Variants in SHOC1 observed in about 807,000 individuals in gnomAD.
The protein encoded by SHOC1 is shortage in chiasmata 1.
SHOC1 carries 136 observed loss-of-function variants against 179.2 expected under a neutral mutation model. That is an observed-to-expected ratio of 0.76 (90% CI 0.66 to 0.87). The LOEUF is 0.87. Ranked by LOEUF, SHOC1 falls within the 40% of genes least tolerant of loss-of-function variation. The pLI is 0.00. For synonymous variants in SHOC1, 489 were observed against 586.6 expected (o/e 0.83, Z 2.41); for missense variants, 1,538 against 1,700.8 (o/e 0.90, Z 1.68).
At position 111,758,692 on chromosome 9, in the gene SHOC1, T is replaced by C; in HGVS notation, c.596+3A>G. On this transcript the variant is annotated splice_donor_region_variant and intron_variant, in intron 6 of 27. Coordinates refer to ENST00000682961, the MANE Select transcript of SHOC1 (RefSeq NM_001378211.1). ...TTACAGCATTGGTCAATTAAGTAAG[T>C]ACCTGGAAAAATTAGCTTCTGTGAA... 1 of 1,571,832 alleles carries C rather than the reference T, an allele frequency of 6.4e-7. No individual in the cohort carries two copies. Among genetic ancestry groups the C allele is most frequent in the Non-Finnish European group, 8.6e-7 (1 of 1,167,006 alleles).
intron 14 of SHOC1, among the ~76,000 whole-genome samples, chr9:111,723,071 C>T (rs2184939): frequency 0.19 from 29,410 of 152,056 alleles, 3,006 homozygotes; most frequent in Non-Finnish European, 0.22. Flanking sequence ...TGAGCCACCG[C>T]GCCTGGCCTA....
At chr9:111,736,696 AAAAC>A (rs1297426443) in intron 12 of SHOC1, among the ~76,000 whole-genome samples, 30 of 152,324 alleles carry the variant, frequency 2.0e-4, no homozygotes, top group Admixed American at 2.0e-3. Context: ...AATCGCAACA[AAAAC>A]AAAAATTGCC....
chr9:111,731,898 C>T (rs1231692484), intron 12 of SHOC1, among the ~76,000 whole-genome samples: 1 of 151,900 alleles, frequency 6.6e-6, no homozygotes, highest in Non-Finnish European at 1.5e-5. Context: ...AAAAGAATTG[C>T]TTGATACAAG....
intron 20 of SHOC1, among the ~76,000 whole-genome samples, chr9:111,706,176 G>A (rs754819395): frequency 6.6e-6 from 1 of 152,080 alleles, no homozygotes; most frequent in Non-Finnish European, 1.5e-5. Flanking sequence ...CTAAGTATTT[G>A]TAGATAATTT....
intron 3 of SHOC1, chr9:111,783,317 A>G (rs1372230274): frequency 6.6e-6 from 1 of 152,112 alleles, no homozygotes; most frequent in East Asian, 1.9e-4. Flanking sequence ...TCACACTCCA[A>G]TTATATTCCA....
chr9:111,727,565 T>C, intron 13 of SHOC1, 68 bp downstream of exon 13: 1 of 1,329,556 alleles, frequency 7.5e-7, no homozygotes, highest in South Asian at 1.8e-5. Flanking sequence ...CCTTGCCTTC[T>C]ATAATAAATT....
rs77880872 is a variant in SHOC1, at chr9:111,780,795, G to A, written c.257+135C>T. ...ACCACTCCTTTGTGGTTCAAATTAGGACCTTTTCTTCAGATAAAAGAAGAA... is the reference window on the plus strand; with the variant it reads ...ACCACTCCTTTGTGGTTCAAATTAGAACCTTTTCTTCAGATAAAAGAAGAA... On this transcript the variant is annotated intron_variant, in intron 4 of 27. Transcript: ENST00000682961. 4.8e-3 allele frequency: 2,704 copies of A among 564,812 alleles called. 43 individuals carry two copies. The highest frequency in any genetic ancestry group is 0.04 in the African/African-American group (2,061 of 52,034). 35.0% of individuals were successfully genotyped at this position (564,812 alleles called of 1,614,324 possible).
chr9:111,724,433 G>T (rs1833208596), intron 13 of SHOC1, among the ~76,000 whole-genome samples: 1 of 151,856 alleles, frequency 6.6e-6, no homozygotes, highest in South Asian at 2.1e-4. Flanking sequence ...TTGACCTCTT[G>T]GGCTCAAGCA....
intron 18 of SHOC1, among the ~76,000 whole-genome samples, chr9:111,711,150 G>A (rs549013098): frequency 5.3e-5 from 8 of 152,270 alleles, no homozygotes; most frequent in African/African-American, 1.9e-4. Context: ...TTTCTATAGA[G>A]AAAAGAGGAA....
chr9:111,791,817 TATTTCTCAA>T lies in SHOC1; in HGVS notation c.-36-372_-36-364del, dbSNP rs1440580469. Reference sequence around the variant, plus strand: ...TCTCAAGTGGTCTTGAGAATAACCATATTTCTCAAGTGGTCTTGAGAATAACCATATTTC... The same window carrying T: ...TCTCAAGTGGTCTTGAGAATAACCATGTGGTCTTGAGAATAACCATATTTC... On this transcript the variant is annotated intron_variant, in intron 1 of 27. Coordinates refer to ENST00000682961, the MANE Select transcript of SHOC1 (RefSeq NM_001378211.1). 2.1e-4 allele frequency among the ~76,000 whole-genome samples: 31 copies of T among 145,640 alleles called. No homozygotes were observed. In the South Asian group the frequency reaches 3.0e-3, roughly 14 times the overall value.
chr9:111,692,430 T>A lies in SHOC1; in HGVS notation c.3547A>T (p.Asn1183Tyr). 6.2e-7 allele frequency: 1 copy of A among 1,611,420 alleles called. No individual in the cohort carries two copies. Among genetic ancestry groups the A allele is most frequent in the Non-Finnish European group, 8.5e-7 (1 of 1,179,020 alleles). Reference protein sequence around the residue: ...KSPQISSPQENRNQISTLSSQ... With the variant: ...KSPQISSPQEYRNQISTLSSQ... ...GACAAGGTACTAATCTGATTCCTAT[T>A]TTCCTGAGGTGACGAAATTTGCGGT... Residue 1183 changes from asparagine to tyrosine, a missense_variant, in exon 27 of 28, where the codon AAT becomes TAT. By Grantham distance (143) the Asn-to-Tyr change is moderately radical. Transcript: ENST00000682961.
chr9:111,719,339 A>C (rs1237132020), intron 15 of SHOC1, among the ~76,000 whole-genome samples: 1 of 152,202 alleles, frequency 6.6e-6, no homozygotes, highest in African/African-American at 2.4e-5. Flanking sequence ...TATAACAACT[A>C]TTCACTTGCT....
Position 111,746,272 on chromosome 9 carries a change from T to G in SHOC1, c.1041A>C (p.Thr347=). The change falls in exon 10 of 28, where the codon ACA becomes ACC. Residue 347 remains threonine (T), a synonymous_variant. Transcript: ENST00000682961. ...CQHSSVNSLR[T]ELQTFPLSPV... is the part of the protein sequence containing the mutation. The stretch of plus-strand genomic sequence containing the variant: ...GAGATAATGGAAATGTCTGAAGTTC[T>G]GTACGTAATGAATTCACTGAAGAAT... 1 of 1,611,792 alleles carries G rather than the reference T, an allele frequency of 6.2e-7. No individual in the cohort carries two copies. The highest frequency in any genetic ancestry group is 1.1e-5 in the South Asian group (1 of 91,000).
chr9:111,737,144 C>T (rs1361307200), intron 12 of SHOC1, among the ~76,000 whole-genome samples: 2 of 152,102 alleles, frequency 1.3e-5, no homozygotes, highest in African/African-American at 2.4e-5. Flanking sequence ...ACTGTGGAAA[C>T]TGTTTGGAGA....
Position 111,713,677 on chromosome 9 carries a change from A to T in SHOC1, c.2416-505T>A, listed in dbSNP as rs1333457511. ...AGAAATAGGAGGCACAGAACGAAAA[A>T]TCAGAAAAAGGCCACAGTTTATATC... is the stretch of plus-strand genomic sequence containing the variant. On this transcript the variant is annotated intron_variant, in intron 17 of 27. Transcript: ENST00000682961. Among the ~76,000 whole-genome samples the T allele has an allele frequency of 2.0e-5, 3 of 152,318 alleles. No individual in the cohort carries two copies. In the East Asian group the frequency reaches 5.8e-4, roughly 29 times the overall value.
intron 12 of SHOC1, among the ~76,000 whole-genome samples, chr9:111,733,671 C>A (rs1290751147): frequency 6.6e-6 from 1 of 152,088 alleles, no homozygotes; most frequent in Non-Finnish European, 1.5e-5. Context: ...AGTTTGAGAC[C>A]AGCTTGGCCA....
intron 2 of SHOC1, among the ~76,000 whole-genome samples, chr9:111,787,141 C>G (rs944338772): frequency 6.6e-6 from 1 of 152,122 alleles, no homozygotes; most frequent in Non-Finnish European, 1.5e-5. Flanking sequence ...ATGCACCTGG[C>G]CACCCAAGAG....
At chr9:111,716,486 G>A (rs1348201081) in intron 16 of SHOC1, among the ~76,000 whole-genome samples, 1 of 144,288 alleles carries the variant, frequency 6.9e-6, no homozygotes, top group African/African-American at 2.5e-5. Context: ...TGCCTCGCGG[G>A]TTCAAGTGAT....
chr9:111,716,233 C>A (rs7859627), intron 16 of SHOC1, among the ~76,000 whole-genome samples: 121,630 of 151,974 alleles, frequency 0.8, 48,845 homozygotes, highest in East Asian at 0.92. Flanking sequence ...GATTTAGTAA[C>A]TGCATGTCTT....
Sources: gnomAD v4.1 joint callset for allele counts (sites outside exome capture counted in the v4.1 genomes callset) on GRCh38, gnomAD v4.1.1 for gene constraint, MANE v1.5 for transcripts, NCBI Gene and HGNC (gene_info 2026-07-23, HGNC 2026-07-21) for gene names.